The following SYT16 variants were observed in gnomAD, a reference collection of about 807,000 sequenced individuals.
SYT16 encodes synaptotagmin-16.
SYT16 carries 42 observed loss-of-function variants against 61.4 expected under a neutral mutation model. The ratio of observed to expected loss-of-function variants is 0.68; its 90% CI spans 0.53 to 0.89. The LOEUF (loss-of-function observed/expected upper bound fraction) is 0.89, where lower values mean the gene tolerates loss of function less well. Among genes scored for constraint, SYT16 ranks in the 40% least tolerant of loss-of-function variants. The probability of loss-of-function intolerance (pLI) is 0.00; values close to 1 mark genes in which losing one functional copy is unlikely to be tolerated. For missense variants in SYT16, 804 were observed against 807.3 expected (o/e 1.00, Z 0.05); for synonymous variants, 314 against 302.3 (o/e 1.04, Z -0.40).
intron 1 of SYT16, among the ~76,000 whole-genome samples, chr14:61,846,404 A>T (rs576010040): frequency 1.3e-5 from 2 of 152,170 alleles, no homozygotes; most frequent in Non-Finnish European, 2.9e-5. Context: ...CTTTATCATT[A>T]TATGGTGACC....
At chr14:62,011,486 A>G (rs929573186) in intron 3 of SYT16, among the ~76,000 whole-genome samples, 6 of 152,136 alleles carry the variant, frequency 3.9e-5, no homozygotes, top group African/African-American at 9.7e-5. Flanking sequence ...TATGTGACAA[A>G]CTTTAGCAAT....
chr14:61,886,728 C>A (rs192980121), intron 1 of SYT16, among the ~76,000 whole-genome samples: 77 of 152,308 alleles, frequency 5.1e-4, no homozygotes, highest in African/African-American at 1.8e-3. Flanking sequence ...TTCTTCCAAA[C>A]TTCTGTTAAT....
Position 62,110,184 on chromosome 14 carries a change from G to C in SYT16, c.*9477G>C, listed in dbSNP as rs979154763. ...GTATAAAGAATATTGGATTAAAGTTGATGAGGCCTGTGTTCTGATATCAAA... is the reference window on the plus strand; with the variant it reads ...GTATAAAGAATATTGGATTAAAGTTCATGAGGCCTGTGTTCTGATATCAAA... On this transcript the variant is annotated 3_prime_UTR_variant, in exon 8 of 8. Transcript: ENST00000683842. The C allele has an allele frequency of 2.6e-5, 4 of 152,144 alleles. No homozygotes were observed. The highest frequency in any genetic ancestry group is 9.7e-5 in the African/African-American group (4 of 41,440). 9.4% of individuals were successfully genotyped at this position (152,144 alleles called of 1,614,324 possible). A position where few individuals can be genotyped will look rare whatever the true frequency, so the allele number is the denominator to read the frequency against.
At chr14:61,886,880 C>CTTTTTTTTTTTTTTTTTTCTTTTTTT in intron 1 of SYT16, among the ~76,000 whole-genome samples, 1 of 110,832 alleles carries the variant, frequency 9.0e-6, no homozygotes, top group Non-Finnish European at 1.8e-5. Context: ...TTTTTTTTGT[C>CTTTTTTTTTTTTTTTTTTCTTTTTTT]TTTTTTTTTT....
intron 1 of SYT16, among the ~76,000 whole-genome samples, chr14:61,963,169 A>T (rs1177240319): frequency 6.6e-6 from 1 of 152,132 alleles, no homozygotes; most frequent in Non-Finnish European, 1.5e-5. Flanking sequence ...GCCAATTAAC[A>T]ACCCTCCAAT....
At position 62,100,497 on chromosome 14, in the gene SYT16, C is replaced by G. The variant is rs1244032677; in HGVS notation, c.1728C>G (p.Thr576=). The change falls in exon 8 of 8, where the codon ACC becomes ACG. Residue 576 remains threonine (T), a synonymous_variant. Coordinates refer to ENST00000683842, the MANE Select transcript of SYT16 (RefSeq NM_001367656.1). The part of the protein sequence containing the change: ...RGQPNPVYKE[T]FVFQVALFQL... ...AGCCCAATCCTGTCTATAAGGAGAC[C>G]TTTGTTTTCCAGGTGGCCCTCTTTC... 9 of 1,613,520 alleles carry G rather than the reference C, an allele frequency of 5.6e-6. No individual in the cohort carries two copies. The highest frequency in any genetic ancestry group is 7.6e-6 in the Non-Finnish European group (9 of 1,179,778).
chr14:62,023,317 G>A (rs1290241254), intron 3 of SYT16, among the ~76,000 whole-genome samples: 1 of 152,126 alleles, frequency 6.6e-6, no homozygotes, highest in Non-Finnish European at 1.5e-5. Context: ...CTCAATGAAA[G>A]TCCAAGTATT....
intron 3 of SYT16, among the ~76,000 whole-genome samples, chr14:62,025,185 A>G (rs565203669): frequency 6.6e-6 from 1 of 152,244 alleles, no homozygotes; most frequent in African/African-American, 2.4e-5. Context: ...TAGTTTTGTA[A>G]GAGGCTGCCA....
intron 1 of SYT16, among the ~76,000 whole-genome samples, chr14:61,935,753 T>C (rs1355216216): frequency 6.6e-6 from 1 of 152,222 alleles, no homozygotes; most frequent in East Asian, 1.9e-4. Flanking sequence ...TGGTAGTAAT[T>C]ATGGTTAGTT....
rs374838381 is a variant in SYT16, at chr14:61,996,229, A to C, written c.210A>C (p.Glu70Asp). 55 of 1,613,494 alleles carry C rather than the reference A, an allele frequency of 3.4e-5. No individual in the cohort carries two copies. Among genetic ancestry groups the C allele is most frequent in the Non-Finnish European group, 4.6e-5 (54 of 1,179,640 alleles). Reference protein sequence around the residue: ...IQIQETYFEDEEQDNDWSQED... With the variant: ...IQIQETYFEDDEQDNDWSQED... ...TTCAGGAAACGTACTTTGAAGATGA[A>C]GAACAAGACAATGATTGGAGTCAAG... Residue 70 changes from glutamate to aspartate, a missense_variant, in exon 3 of 8, where the codon GAA (glutamate) becomes GAC (aspartate). Glu to Asp is a conservative substitution (Grantham distance 45). Coordinates refer to ENST00000683842, the MANE Select transcript of SYT16 (RefSeq NM_001367656.1).
At chr14:61,841,525 ATTATT>A (rs1346069309) in intron 1 of SYT16, among the ~76,000 whole-genome samples, 1 of 152,164 alleles carries the variant, frequency 6.6e-6, no homozygotes, top group African/African-American at 2.4e-5. Context: ...TTTAATTTTA[ATTATT>A]TTATTTTAGA....
chr14:61,833,620 A>G (rs2046015176), intron 1 of SYT16, among the ~76,000 whole-genome samples: 1 of 144,394 alleles, frequency 6.9e-6, no homozygotes, highest in African/African-American at 2.6e-5. Context: ...GAGTTTTGCC[A>G]TGTTGGCCAG....
At chr14:61,882,346 G>A (rs1394134082) in intron 1 of SYT16, among the ~76,000 whole-genome samples, 1 of 152,062 alleles carries the variant, frequency 6.6e-6, no homozygotes, top group Non-Finnish European at 1.5e-5. Context: ...TTCTTACACT[G>A]CTATGAAGAA....
intron 1 of SYT16, among the ~76,000 whole-genome samples, chr14:61,964,844 A>G (rs1048972342): frequency 3.3e-5 from 5 of 151,886 alleles, no homozygotes; most frequent in South Asian, 2.1e-4. Flanking sequence ...TAACATTGAG[A>G]CATCCTCCAT....
intron 7 of SYT16, among the ~76,000 whole-genome samples, chr14:62,088,266 A>G (rs1019721229): frequency 4.6e-5 from 7 of 152,246 alleles, no homozygotes; most frequent in African/African-American, 1.7e-4. Flanking sequence ...CTATTCAGCA[A>G]TAAAAAGTAA....
chr14:62,088,682 G>A (rs868549116), intron 7 of SYT16, among the ~76,000 whole-genome samples: 4 of 152,110 alleles, frequency 2.6e-5, no homozygotes, highest in Non-Finnish European at 5.9e-5. Context: ...GAAATTTTTA[G>A]CATTGAAGAG....
Position 62,065,220 on chromosome 14 carries a change from TCTG to T in SYT16, c.524-4382_524-4380del, listed in dbSNP as rs1385338711. Among the ~76,000 whole-genome samples, 20 of 152,330 alleles carry T rather than the reference TCTG, an allele frequency of 1.3e-4. No homozygotes were observed. In the South Asian group the frequency reaches 3.5e-3, roughly 27 times the overall value. On this transcript the variant is annotated intron_variant, in intron 3 of 7. Transcript: ENST00000683842. ...GCTTCAGCTTCCTAATGCAATGAAATCTGATGATATGCAGAGTGGTTAGGGACA... is the reference window on the plus strand; with the variant it reads ...GCTTCAGCTTCCTAATGCAATGAAATATGATATGCAGAGTGGTTAGGGACA...
intron 5 of SYT16, among the ~76,000 whole-genome samples, chr14:62,075,600 A>G (rs1315879584): frequency 1.5e-5 from 2 of 134,850 alleles, no homozygotes; most frequent in Non-Finnish European, 3.1e-5. Context: ...AAAAGGATGA[A>G]CGGTAAAAAA....
intron 3 of SYT16, among the ~76,000 whole-genome samples, chr14:62,002,605 C>T (rs186007864): frequency 6.6e-6 from 1 of 152,082 alleles, no homozygotes; most frequent in Non-Finnish European, 1.5e-5. Flanking sequence ...TCTCAGTAAT[C>T]CTGCCTCTCT....
Sources: allele counts gnomAD v4.1 joint callset (sites outside exome capture counted in the v4.1 genomes callset), GRCh38; gene constraint gnomAD v4.1.1; transcripts MANE v1.5; gene names NCBI Gene and HGNC (gene_info 2026-07-23, HGNC 2026-07-21).